The following PRMT3 variants were observed in gnomAD, a reference collection of about 807,000 sequenced individuals.
The protein encoded by PRMT3 is protein arginine N-methyltransferase 3.
Under a neutral mutation model 71.9 loss-of-function variants are expected in PRMT3, and 62 were observed. The observed-to-expected ratio is 0.86, with a 90% CI of 0.70 to 1.07. PRMT3 has a LOEUF of 1.07. Among genes scored for constraint, PRMT3 ranks in the 50% least tolerant of loss-of-function variants. PRMT3 has a pLI of 0.00. For missense variants in PRMT3, 663 were observed against 643.0 expected, an observed-to-expected ratio of 1.03 and a Z score of -0.34; for synonymous variants, 213 against 220.4, an observed-to-expected ratio of 0.97 and a Z score of 0.30.
chr11:20,466,825 C>CTT (rs1850524787), intron 13 of PRMT3, among the ~76,000 whole-genome samples: 1 of 152,080 alleles, frequency 6.6e-6, no homozygotes, highest in Non-Finnish European at 1.5e-5. Flanking sequence ...TGTAATTGAA[C>CTT]TTTTAATATT....
intron 10 of PRMT3, among the ~76,000 whole-genome samples, chr11:20,449,070 A>T (rs189130421): frequency 2.6e-5 from 4 of 152,330 alleles, no homozygotes; most frequent in Admixed American, 2.6e-4. Context: ...GTTGTATCAC[A>T]TAGGGAGCCT....
At chr11:20,436,384 T>C (rs145477156) in intron 10 of PRMT3, among the ~76,000 whole-genome samples, 370 of 152,310 alleles carry the variant, frequency 2.4e-3, no homozygotes, top group African/African-American at 7.0e-3. Flanking sequence ...GAGGAAATGG[T>C]TTGAACTTGT....
chr11:20,460,483 C>T (rs908581423), intron 11 of PRMT3, among the ~76,000 whole-genome samples: 1 of 152,062 alleles, frequency 6.6e-6, no homozygotes, highest in South Asian at 2.1e-4. Flanking sequence ...GGTTCTCTTA[C>T]TTTTGTGGCT....
intron 10 of PRMT3, among the ~76,000 whole-genome samples, chr11:20,429,130 G>C (rs986310443): frequency 6.6e-6 from 1 of 152,106 alleles, no homozygotes; most frequent in African/African-American, 2.4e-5. Context: ...GCAGTCCCTA[G>C]ACTTCTTGGC....
chr11:20,411,406 T>C (rs1232912258), intron 9 of PRMT3, among the ~76,000 whole-genome samples: 2 of 152,124 alleles, frequency 1.3e-5, no homozygotes, highest in Middle Eastern at 3.2e-3. Context: ...CTTTGCTGTG[T>C]CAAATATTTT....
intron 15 of PRMT3, among the ~76,000 whole-genome samples, chr11:20,505,513 A>T (rs1434663460): frequency 1.3e-5 from 2 of 152,236 alleles, no homozygotes; most frequent in African/African-American, 4.8e-5. Flanking sequence ...ATTCAATAAC[A>T]GTAAGTTAAA....
intron 10 of PRMT3, among the ~76,000 whole-genome samples, chr11:20,439,482 G>C (rs755214666): frequency 2.0e-5 from 3 of 152,144 alleles, no homozygotes; most frequent in African/African-American, 4.8e-5. Context: ...TAACATAGTT[G>C]TATATTTCAT....
chr11:20,450,168 G>A (rs1009918967), intron 10 of PRMT3, among the ~76,000 whole-genome samples: 2 of 152,120 alleles, frequency 1.3e-5, no homozygotes, highest in African/African-American at 4.8e-5. Context: ...GGATTGGAAT[G>A]TAGTGAATAC....
At chr11:20,481,441 A>C (rs1850929949) in intron 13 of PRMT3, among the ~76,000 whole-genome samples, 1 of 152,078 alleles carries the variant, frequency 6.6e-6, no homozygotes, top group Non-Finnish European at 1.5e-5. Context: ...TCTTTATAAA[A>C]GTGTGTATTT....
At chr11:20,489,167 T>C (rs1565235893) in intron 13 of PRMT3, among the ~76,000 whole-genome samples, 1 of 151,486 alleles carries the variant, frequency 6.6e-6, no homozygotes, top group Non-Finnish European at 1.5e-5. Flanking sequence ...TACCACTCAT[T>C]CTCCCTTCTC....
intron 7 of PRMT3, among the ~76,000 whole-genome samples, chr11:20,398,725 C>T (rs1848886308): frequency 6.6e-6 from 1 of 152,186 alleles, no homozygotes; most frequent in African/African-American, 2.4e-5. Context: ...CACTGTGTTA[C>T]AGTTGCCTAC....
intron 10 of PRMT3, among the ~76,000 whole-genome samples, chr11:20,432,743 C>T (rs963321562): frequency 1.3e-5 from 2 of 152,060 alleles, no homozygotes; most frequent in African/African-American, 4.8e-5. Context: ...TGATAACAGC[C>T]GTTCTAACTG....
At chr11:20,413,119 A>T (rs1849231072) in intron 9 of PRMT3, among the ~76,000 whole-genome samples, 1 of 152,200 alleles carries the variant, frequency 6.6e-6, no homozygotes, top group South Asian at 2.1e-4. Context: ...TGGATAAGCC[A>T]ACATTGTACT....
At chr11:20,460,160 A>G (rs1436673050) in intron 11 of PRMT3, among the ~76,000 whole-genome samples, 1 of 152,134 alleles carries the variant, frequency 6.6e-6, no homozygotes, top group African/African-American at 2.4e-5. Context: ...TAAAATTGCT[A>G]AGGCTGTGGA....
At chr11:20,443,583 G>A (rs1849957378) in intron 10 of PRMT3, among the ~76,000 whole-genome samples, 1 of 152,184 alleles carries the variant, frequency 6.6e-6, no homozygotes, top group South Asian at 2.1e-4. Context: ...GTTGAGAGTG[G>A]AATATCCAGT....
intron 9 of PRMT3, among the ~76,000 whole-genome samples, chr11:20,419,815 A>G (rs1273795604): frequency 1.3e-5 from 2 of 152,186 alleles, no homozygotes; most frequent in Non-Finnish European, 2.9e-5. Flanking sequence ...CCATTAAGGC[A>G]GTAGAACCGA....
chr11:20,444,623 T>C (rs1849982743), intron 10 of PRMT3, among the ~76,000 whole-genome samples: 1 of 152,198 alleles, frequency 6.6e-6, no homozygotes, highest in Non-Finnish European at 1.5e-5. Flanking sequence ...ATGCTCTATA[T>C]GCTATCATTC....
rs1284017062 is a variant in PRMT3, at chr11:20,397,590, G to GA, written c.575dup (p.Asp192GlufsTer16). 2.5e-6 allele frequency: 4 copies of GA among 1,613,876 alleles called. No homozygotes were observed. The highest frequency in any genetic ancestry group is 3.4e-6 in the Non-Finnish European group (4 of 1,179,996). On this transcript the variant is annotated frameshift_variant, in exon 7 of 16. Coordinates refer to ENST00000331079, the MANE Select transcript of PRMT3 (RefSeq NM_005788.4). LOFTEE classifies it high-confidence loss of function. ...AATTGATTACAGACAATTTGCTCAGGATTTTGTGATGCACACAGATGTCAG... is the reference window on the plus strand; with the variant it reads ...AATTGATTACAGACAATTTGCTCAGGAATTTTGTGATGCACACAGATGTCAG...
At chr11:20,407,862 C>A (rs755457882) in intron 8 of PRMT3, 49 bp from the exon 9 acceptor site, 1 of 1,509,772 alleles carries the variant, frequency 6.6e-7, no homozygotes, top group South Asian at 1.2e-5. Flanking sequence ...AATATAGAGA[C>A]CTTTTTGATA....
Sources: gnomAD v4.1 joint callset for allele counts (sites outside exome capture counted in the v4.1 genomes callset) on GRCh38, gnomAD v4.1.1 for gene constraint, MANE v1.5 for transcripts, NCBI Gene and HGNC (gene_info 2026-07-23, HGNC 2026-07-21) for gene names.